Variants in POU2F3 observed in about 807,000 individuals in gnomAD.
POU2F3 encodes the protein POU class 2 homeobox 3, also known as POU domain, class 2, transcription factor 3.
A neutral mutation model predicts 59.2 loss-of-function variants in POU2F3; 23 were observed. The ratio of observed to expected loss-of-function variants is 0.39; its 90% CI spans 0.28 to 0.55. POU2F3 has a LOEUF of 0.55. Ranked by LOEUF, POU2F3 falls within the 20% of genes least tolerant of loss-of-function variation. The pLI, the probability that POU2F3 is intolerant of heterozygous loss-of-function variation, is 0.66. For synonymous variants in POU2F3, 190 were observed against 214.6 expected (o/e 0.89, Z 1.00); for missense variants, 473 against 544.5 (o/e 0.87, Z 1.31).
intron 3 of POU2F3, among the ~76,000 whole-genome samples, chr11:120,274,106 A>AG (rs1316911726): frequency 0.014 from 1,243 of 90,098 alleles, 23 homozygotes; most frequent in African/African-American, 0.055. Context: ...GAAGGAAGGA[A>AG]GAAAGGAAGG....
intron 2 of POU2F3, among the ~76,000 whole-genome samples, chr11:120,258,710 G>A (rs187432609): frequency 6.6e-6 from 1 of 152,274 alleles, no homozygotes; most frequent in African/African-American, 2.4e-5. Context: ...GGATCTTTTG[G>A]CCCCGTTCCT....
chr11:120,305,095 C>G lies in POU2F3; in HGVS notation c.510C>G (p.Leu170=). The part of the protein sequence containing the change: ...LEPHLEASQH[L]PVPKHLPSSG... Reference sequence around the variant, plus strand: ...CCCACCTGGAAGCATCCCAGCATCTCCCAGTGCCCAAGCATCTACCCAGCT... The same window carrying G: ...CCCACCTGGAAGCATCCCAGCATCTGCCAGTGCCCAAGCATCTACCCAGCT... Residue 170 remains leucine (L), a synonymous_variant, in exon 7 of 13, where the codon CTC becomes CTG. Coordinates refer to ENST00000543440, the MANE Select transcript of POU2F3 (RefSeq NM_014352.4). The G allele has an allele frequency of 6.2e-7, 1 of 1,613,988 alleles. No homozygotes were observed. The highest frequency in any genetic ancestry group is 8.5e-7 in the Non-Finnish European group (1 of 1,180,006).
At chr11:120,265,964 C>T (rs1050382195) in intron 2 of POU2F3, 1 of 152,206 alleles carries the variant, frequency 6.6e-6, no homozygotes, top group Non-Finnish European at 1.5e-5. Context: ...CTCATCTAGG[C>T]TCAGTTCCTT....
At chr11:120,259,827 T>C (rs1454183399) in intron 2 of POU2F3, among the ~76,000 whole-genome samples, 1 of 152,186 alleles carries the variant, frequency 6.6e-6, no homozygotes, top group Non-Finnish European at 1.5e-5. Flanking sequence ...ACTCTGACCA[T>C]TAGGCCACAC....
Position 120,266,380 on chromosome 11 carries a change from G to A in POU2F3, c.98-2830G>A, listed in dbSNP as rs537330981. ...GAGCTATTGCAGCAGCCTCCCAGTT[G>A]GTCTCCCTTCCTCTTCTCTTACCCC... On this transcript the variant is annotated intron_variant, in intron 2 of 12. Coordinates refer to ENST00000543440, the MANE Select transcript of POU2F3 (RefSeq NM_014352.4). 2.8e-4 allele frequency among the ~76,000 whole-genome samples: 42 copies of A among 152,052 alleles called. No individual in the cohort carries two copies. In the South Asian group the frequency reaches 6.9e-3, roughly 25 times the overall value.
At chr11:120,288,787 T>C (rs1416242567) in intron 3 of POU2F3, among the ~76,000 whole-genome samples, 1 of 151,920 alleles carries the variant, frequency 6.6e-6, no homozygotes, top group Admixed American at 6.5e-5. Flanking sequence ...AATATATACA[T>C]ACGCACATGT....
intron 8 of POU2F3, among the ~76,000 whole-genome samples, chr11:120,307,037 T>G (rs1293101269): frequency 6.6e-6 from 1 of 152,242 alleles, no homozygotes; most frequent in African/African-American, 2.4e-5. Flanking sequence ...GTGCCATTGC[T>G]TTTGGCTGCA....
intron 3 of POU2F3, among the ~76,000 whole-genome samples, chr11:120,270,141 T>C (rs761071667): frequency 4.6e-5 from 7 of 152,180 alleles, no homozygotes; most frequent in Non-Finnish European, 8.8e-5. Context: ...ATCAAGTTAT[T>C]TAATATTTTT....
At chr11:120,275,986 A>T (rs187206601) in intron 3 of POU2F3, among the ~76,000 whole-genome samples, 44 of 152,292 alleles carry the variant, frequency 2.9e-4, no homozygotes, top group African/African-American at 1.0e-3. Context: ...CTTCTTTAAA[A>T]TCAACAAGAT....
Position 120,299,529 on chromosome 11 carries a change from T to C in POU2F3, c.259-95T>C, listed in dbSNP as rs551818118. On this transcript the variant is annotated intron_variant, in intron 4 of 12. Transcript: ENST00000543440. Reference sequence around the variant, plus strand: ...AAGGTCAGCCTGCAAAGTCTCTGAGTCTGGAGACCCCTGGGACGGACGAGT... The same window carrying C: ...AAGGTCAGCCTGCAAAGTCTCTGAGCCTGGAGACCCCTGGGACGGACGAGT... The C allele has an allele frequency of 3.3e-5, 36 of 1,088,088 alleles. No homozygotes were observed. The African/African-American group carries it at 5.2e-4, about 16-fold the overall frequency. The allele number at this position is 1,088,088 out of a possible 1,614,324, so 67.4% of individuals were successfully genotyped here. A position where few individuals can be genotyped will look rare whatever the true frequency, so the allele number is the denominator to read the frequency against.
At chr11:120,263,319 T>G (rs1340093856) in intron 2 of POU2F3, among the ~76,000 whole-genome samples, 5 of 152,184 alleles carry the variant, frequency 3.3e-5, no homozygotes, top group African/African-American at 1.2e-4. Flanking sequence ...AAGCATACAG[T>G]TCCACCTCCC....
At chr11:120,283,799 G>C (rs1045466911) in intron 3 of POU2F3, among the ~76,000 whole-genome samples, 1 of 150,100 alleles carries the variant, frequency 6.7e-6, no homozygotes, top group Admixed American at 6.6e-5. Flanking sequence ...GTGTGTGTGT[G>C]TGTGTGTGTG....
At chr11:120,246,853 A>G (rs1161330008) in intron 2 of POU2F3, among the ~76,000 whole-genome samples, 1 of 152,244 alleles carries the variant, frequency 6.6e-6, no homozygotes, top group Non-Finnish European at 1.5e-5. Context: ...GATGGGGACA[A>G]GGCCTTTTAG....
chr11:120,240,743 T>A (rs1169635431), intron 1 of POU2F3, among the ~76,000 whole-genome samples: 1 of 151,776 alleles, frequency 6.6e-6, no homozygotes, highest in Non-Finnish European at 1.5e-5. Flanking sequence ...AGTGCATAAG[T>A]GAGGGAAATG....
intron 2 of POU2F3, chr11:120,255,071 C>T (rs1347680013): frequency 6.6e-6 from 1 of 152,394 alleles, no homozygotes; most frequent in African/African-American, 2.4e-5. Flanking sequence ...CAAAGCCCCC[C>T]ATGTGTCTCC....
chr11:120,250,925 C>T (rs954540325), intron 2 of POU2F3, among the ~76,000 whole-genome samples: 1 of 151,560 alleles, frequency 6.6e-6, no homozygotes, highest in Non-Finnish European at 1.5e-5. Context: ...TGCAGTGAGC[C>T]GAGATCGCGC....
At chr11:120,289,390 C>T (rs1940941045) in intron 3 of POU2F3, among the ~76,000 whole-genome samples, 1 of 152,214 alleles carries the variant, frequency 6.6e-6, no homozygotes, top group African/African-American at 2.4e-5. Context: ...ACCCTCGCTA[C>T]AGTCATGCTC....
At chr11:120,270,093 T>G (rs1939997751) in intron 3 of POU2F3, among the ~76,000 whole-genome samples, 1 of 152,188 alleles carries the variant, frequency 6.6e-6, no homozygotes, top group South Asian at 2.1e-4. Context: ...GCCTGGGTTT[T>G]CGTCCCATTT....
intron 1 of POU2F3, among the ~76,000 whole-genome samples, chr11:120,243,243 C>A (rs1938740029): frequency 6.6e-6 from 1 of 152,086 alleles, no homozygotes; most frequent in Non-Finnish European, 1.5e-5. Context: ...GCGGGAGGAG[C>A]CAGAGGGAGC....
Sources: gnomAD v4.1 joint callset for allele counts (sites outside exome capture counted in the v4.1 genomes callset) on GRCh38, gnomAD v4.1.1 for gene constraint, MANE v1.5 for transcripts, NCBI Gene and HGNC (gene_info 2026-07-23, HGNC 2026-07-21) for gene names.